The following RTL4 variants were observed in gnomAD, a reference collection of about 807,000 sequenced individuals.
RTL4 encodes the protein retrotransposon Gag like 4.
Under a neutral mutation model 5.3 loss-of-function variants are expected in RTL4, and 4 were observed. The ratio of observed to expected loss-of-function variants is 0.75; its 90% CI spans 0.37 to 1.72. RTL4 has a LOEUF of 1.72. Ranked by LOEUF, RTL4 falls within the 40% of genes most tolerant of loss-of-function variation. The probability of loss-of-function intolerance (pLI) is 0.04; values close to 1 mark genes in which losing one functional copy is unlikely to be tolerated. For synonymous variants in RTL4, 98 were observed against 87.3 expected (o/e 1.12, Z -0.68); for missense variants, 260 against 227.1 (o/e 1.14, Z -0.93).
chrX:112,251,885 T>G, the RTL4 span, among the ~76,000 whole-genome samples: 1 of 112,125 alleles, frequency 8.9e-6, no homozygotes, highest in African/African-American at 3.2e-5. Flanking sequence ...TGCACTTTGA[T>G]TCATAGAATT....
chrX:112,219,975 C>T, the RTL4 span, among the ~76,000 whole-genome samples: 1 of 111,747 alleles, frequency 8.9e-6, no homozygotes, highest in African/African-American at 3.3e-5. Flanking sequence ...TTCTCCTCCT[C>T]TGGGTGTTTC....
chrX:112,240,842 C>A, the RTL4 span, among the ~76,000 whole-genome samples: 1 of 110,328 alleles, frequency 9.1e-6, no homozygotes, highest in Non-Finnish European at 1.9e-5. Context: ...CGACAGACCC[C>A]GTTGTGTGAT....
chrX:112,284,598 T>G, the RTL4 span, among the ~76,000 whole-genome samples: 1 of 111,279 alleles, frequency 9.0e-6, no homozygotes, highest in African/African-American at 3.3e-5. Flanking sequence ...TCTATGGCCT[T>G]TGGTAGTTGT....
At chrX:112,130,725 T>A in the RTL4 span, among the ~76,000 whole-genome samples, 1 of 109,934 alleles carries the variant, frequency 9.1e-6, no homozygotes, top group South Asian at 3.8e-4. Flanking sequence ...CTACAAGTAC[T>A]GTATGTCTTT....
the RTL4 span, among the ~76,000 whole-genome samples, chrX:112,225,584 A>G: frequency 8.9e-6 from 1 of 111,918 alleles, no homozygotes; most frequent in East Asian, 2.8e-4. Context: ...CAGTGCCTGT[A>G]TACTTGAGAT....
At chrX:112,294,502 C>T in the RTL4 span, among the ~76,000 whole-genome samples, 10 of 110,717 alleles carry the variant, frequency 9.0e-5, no homozygotes, top group African/African-American at 2.3e-4. Flanking sequence ...AGGAGGTTGA[C>T]GCAGGAGAAT....
the RTL4 span, among the ~76,000 whole-genome samples, chrX:112,161,826 TTCCTTCCTTCCTTC>T: frequency 4.0e-3 from 176 of 44,386 alleles, no homozygotes; most frequent in African/African-American, 0.012. Flanking sequence ...CCTTCCTTCC[TTCCTTCCTTCCTTC>T]CTTCCTTTCT....
chrX:112,440,386 C>A, the RTL4 span, among the ~76,000 whole-genome samples: 1 of 111,422 alleles, frequency 9.0e-6, no homozygotes. Flanking sequence ...CAGGTCACAA[C>A]CAGTTTTCTT....
At chrX:112,174,232 T>A in the RTL4 span, among the ~76,000 whole-genome samples, 2 of 43,771 alleles carry the variant, frequency 4.6e-5, no homozygotes, top group Non-Finnish European at 7.7e-5. Flanking sequence ...CCCTCCCCCC[T>A]CCCCCCACCC....
chrX:112,181,282 G>A, the RTL4 span, among the ~76,000 whole-genome samples: 1 of 111,710 alleles, frequency 9.0e-6, no homozygotes, highest in Non-Finnish European at 1.9e-5. Flanking sequence ...GCTAGCTGCA[G>A]GAGTTTTTTT....
the RTL4 span, among the ~76,000 whole-genome samples, chrX:112,314,344 T>C: frequency 0.037 from 4,073 of 109,999 alleles, 186 homozygotes; most frequent in African/African-American, 0.13. Context: ...TATGTAATCC[T>C]AGTAATGGGA....
the RTL4 span, among the ~76,000 whole-genome samples, chrX:112,262,761 A>G: frequency 9.0e-6 from 1 of 111,102 alleles, no homozygotes; most frequent in Non-Finnish European, 1.9e-5. Context: ...TTATGGTGGC[A>G]CTATTCACAA....
the RTL4 span, among the ~76,000 whole-genome samples, chrX:112,121,249 C>G: frequency 9.0e-6 from 1 of 111,123 alleles, no homozygotes; most frequent in Non-Finnish European, 1.9e-5. Flanking sequence ...GAAACCATGA[C>G]TATGAAAATG....
chrX:112,187,673 C>T, the RTL4 span, among the ~76,000 whole-genome samples: 7 of 111,665 alleles, frequency 6.3e-5, no homozygotes, highest in Non-Finnish European at 1.1e-4. Flanking sequence ...GACAAACCTA[C>T]CCACGGAAGG....
At chrX:112,314,419 G>C in the RTL4 span, among the ~76,000 whole-genome samples, 1 of 109,012 alleles carries the variant, frequency 9.2e-6, no homozygotes, top group Admixed American at 1.0e-4. Context: ...GATAAATACT[G>C]CAAAACAACA....
chrX:112,155,361 A>G, the RTL4 span, among the ~76,000 whole-genome samples: 2 of 111,276 alleles, frequency 1.8e-5, no homozygotes, highest in African/African-American at 6.5e-5. Flanking sequence ...TTGCAATATT[A>G]AACAATTGCC....
At chrX:112,350,598 G>C in the RTL4 span, among the ~76,000 whole-genome samples, 2 of 111,093 alleles carry the variant, frequency 1.8e-5, no homozygotes, top group East Asian at 5.7e-4. Context: ...GTCTTGGGAG[G>C]GTGTATGTGT....
chrX:112,328,089 C>T, the RTL4 span, among the ~76,000 whole-genome samples: 1 of 108,775 alleles, frequency 9.2e-6, no homozygotes. Flanking sequence ...TAGGAAGAAA[C>T]TGCATCAACT....
chrX:112,404,282 T>G, the RTL4 span, among the ~76,000 whole-genome samples: 1 of 112,184 alleles, frequency 8.9e-6, no homozygotes, highest in Non-Finnish European at 1.9e-5. Context: ...AACTGATATT[T>G]TATACCTGCA....
Sources: gnomAD v4.1 joint callset for allele counts (sites outside exome capture counted in the v4.1 genomes callset) on GRCh38, gnomAD v4.1.1 for gene constraint, MANE v1.5 for transcripts, NCBI Gene and HGNC (gene_info 2026-07-23, HGNC 2026-07-21) for gene names.